Variants in SLC41A2 observed in about 807,000 individuals in gnomAD.
SLC41A2 encodes solute carrier family 41 member 2, also known as SLC41A1-like 1.
A neutral mutation model predicts 58.3 loss-of-function variants in SLC41A2; 32 were observed. The ratio of observed to expected loss-of-function variants is 0.55; its 90% CI spans 0.41 to 0.74. The LOEUF (loss-of-function observed/expected upper bound fraction) is 0.74. SLC41A2 is among the 30% of genes least tolerant of loss of function. The pLI is 0.00. For synonymous variants in SLC41A2, 190 were observed against 235.0 expected, an observed-to-expected ratio of 0.81 and a Z score of 1.75; for missense variants, 514 against 680.6, an observed-to-expected ratio of 0.76 and a Z score of 2.72.
chr12:104,808,879 T>C (rs1459811250), intron 10 of SLC41A2, among the ~76,000 whole-genome samples: 1 of 152,226 alleles, frequency 6.6e-6, no homozygotes, highest in African/African-American at 2.4e-5. Flanking sequence ...TATTCTCTGA[T>C]GGTAGTTCAT....
rs1405827879 is a variant in SLC41A2 at position 104,889,143 on chromosome 12, A to G, written c.770T>C (p.Val257Ala). Residue 257 changes from valine (V) to alanine (A), a missense_variant, in exon 5 of 11, where the codon GTG (valine) becomes GCG (alanine). This residue lies in a region of SLC41A2 where 336 missense variants were observed against 430.0 expected (regional missense o/e 0.78). Transcript: ENST00000258538. ...AATCCAGCCCAATATAATTGCTGCC[A>G]CAGCTGCTAGAAAACCCACTACTGT... Reference protein sequence around the residue: ...QATVVGFLAAVAAIILGWIPE... With the variant: ...QATVVGFLAAAAAIILGWIPE... The G allele has an allele frequency of 2.5e-6, 4 of 1,609,888 alleles. No individual in the cohort carries two copies. Among genetic ancestry groups the G allele is most frequent in the Non-Finnish European group, 3.4e-6 (4 of 1,178,946 alleles).
intron 10 of SLC41A2, among the ~76,000 whole-genome samples, chr12:104,844,028 C>T (rs1213726065): frequency 6.6e-6 from 1 of 152,146 alleles, no homozygotes; most frequent in Non-Finnish European, 1.5e-5. Flanking sequence ...CTTCAAAGAA[C>T]TATTTGAATC....
chr12:104,874,190 CA>C (rs1055972982), intron 6 of SLC41A2, among the ~76,000 whole-genome samples: 31 of 151,710 alleles, frequency 2.0e-4, no homozygotes, highest in African/African-American at 7.0e-4. Flanking sequence ...TCTCCTGCCT[CA>C]GCCTCCCGAG....
At chr12:104,938,936 C>T (rs1264821677) in intron 1 of SLC41A2, among the ~76,000 whole-genome samples, 1 of 152,134 alleles carries the variant, frequency 6.6e-6, no homozygotes, top group Non-Finnish European at 1.5e-5. Context: ...ATCTCAAAAA[C>T]CAAAATTTCC....
intron 8 of SLC41A2, among the ~76,000 whole-genome samples, chr12:104,855,967 A>G (rs760254798): frequency 7.4e-6 from 1 of 134,360 alleles, no homozygotes; most frequent in Non-Finnish European, 1.6e-5. Context: ...AGATGTGTCA[A>G]GACTAGGGAT....
intron 4 of SLC41A2, among the ~76,000 whole-genome samples, chr12:104,889,550 T>C (rs2044843994): frequency 6.6e-6 from 1 of 152,204 alleles, no homozygotes; most frequent in Non-Finnish European, 1.5e-5. Flanking sequence ...GATTGGATTT[T>C]ATAATAGAAA....
chr12:104,810,379 A>T (rs1057484882), intron 10 of SLC41A2, among the ~76,000 whole-genome samples: 2 of 152,210 alleles, frequency 1.3e-5, no homozygotes, highest in Non-Finnish European at 2.9e-5. Flanking sequence ...ATTAGCAAGA[A>T]AAATAAATGA....
At chr12:104,822,428 T>TATA (rs1439535810) in intron 10 of SLC41A2, among the ~76,000 whole-genome samples, 24 of 152,206 alleles carry the variant, frequency 1.6e-4, no homozygotes, top group Non-Finnish European at 3.1e-4. Context: ...AACTGTTTAT[T>TATA]GAGTGTCTTT....
chr12:104,813,041 T>A (rs2041242577), intron 10 of SLC41A2, among the ~76,000 whole-genome samples: 1 of 151,926 alleles, frequency 6.6e-6, no homozygotes, highest in African/African-American at 2.4e-5. Context: ...TAGCCAGATG[T>A]GGTGGTGCAC....
At position 104,891,970 on chromosome 12, in the gene SLC41A2, G is replaced by A. The variant is rs142005603; in HGVS notation, c.736-2793C>T. 8.1e-3 allele frequency among the ~76,000 whole-genome samples: 1,230 copies of A among 152,136 alleles called. 9 individuals carry two copies. Among genetic ancestry groups the A allele is most frequent in the Non-Finnish European group, 0.013 (867 of 67,990 alleles). ...CTACAAGTAAAATAAGATAGACCTA[G>A]AAATAACCAAAGACATGAAAGATCT... On this transcript the variant is annotated intron_variant, in intron 4 of 10. Transcript: ENST00000258538.
At chr12:104,942,258 C>T (rs898107845) in intron 1 of SLC41A2, among the ~76,000 whole-genome samples, 1 of 152,126 alleles carries the variant, frequency 6.6e-6, no homozygotes, top group East Asian at 1.9e-4. Flanking sequence ...GCAGGTGGAT[C>T]GCTTGAGCCA....
intron 2 of SLC41A2, among the ~76,000 whole-genome samples, chr12:104,926,587 T>C (rs567701758): frequency 5.8e-4 from 83 of 143,726 alleles, no homozygotes; most frequent in Middle Eastern, 7.3e-3. Context: ...GACTGCGCCT[T>C]AAAAAAAATA....
intron 1 of SLC41A2, among the ~76,000 whole-genome samples, chr12:104,946,718 T>C (rs1364021107): frequency 2.6e-5 from 4 of 152,260 alleles, no homozygotes; most frequent in African/African-American, 9.6e-5. Flanking sequence ...CAATGAAAGA[T>C]GACTTGTATT....
intron 10 of SLC41A2, among the ~76,000 whole-genome samples, chr12:104,827,683 G>C (rs1339147246): frequency 6.6e-6 from 1 of 151,976 alleles, no homozygotes; most frequent in African/African-American, 2.4e-5. Context: ...AACTCCAAAC[G>C]GTCAGGCAAC....
At position 104,932,624 on chromosome 12, in the gene SLC41A2, C is replaced by CAAAAAAAAAAAAAAAAA. The variant is rs544329617; in HGVS notation, c.-167-3947_-167-3931dup. On this transcript the variant is annotated intron_variant, in intron 1 of 10. Coordinates refer to ENST00000258538, the MANE Select transcript of SLC41A2 (RefSeq NM_001352171.3). Reference sequence around the variant, plus strand: ...TGGGTGACGCAGTGAGACTTTGTCTCAAAAAAAAAAAAAAAAAAAAAAGAT... The same window carrying CAAAAAAAAAAAAAAAAA: ...TGGGTGACGCAGTGAGACTTTGTCTCAAAAAAAAAAAAAAAAAAAAAAAAAAAAAAAAAAAAAAAGAT... Among the ~76,000 whole-genome samples, 279 of 46,030 alleles carry CAAAAAAAAAAAAAAAAA rather than the reference C, an allele frequency of 6.1e-3. 6 individuals carry two copies. Among genetic ancestry groups the CAAAAAAAAAAAAAAAAA allele is most frequent in the African/African-American group, 9.3e-3 (107 of 11,564 alleles). 30.2% of individuals were successfully genotyped at this position (46,030 alleles called of 152,430 possible).
At chr12:104,827,815 G>A (rs190733977) in intron 10 of SLC41A2, among the ~76,000 whole-genome samples, 64 of 152,200 alleles carry the variant, frequency 4.2e-4, no homozygotes, top group African/African-American at 7.0e-4. Context: ...GCCGGTCATC[G>A]TCCATATTCT....
intron 2 of SLC41A2, among the ~76,000 whole-genome samples, chr12:104,918,665 T>C (rs1934353126): frequency 6.6e-6 from 1 of 151,134 alleles, no homozygotes; most frequent in Non-Finnish European, 1.5e-5. Flanking sequence ...CAGTCATTTC[T>C]AAGGAAGGGC....
intron 10 of SLC41A2, among the ~76,000 whole-genome samples, chr12:104,838,703 C>T (rs2042296883): frequency 6.6e-6 from 1 of 151,972 alleles, no homozygotes; most frequent in African/African-American, 2.4e-5. Flanking sequence ...TAGGCATAGG[C>T]ACAAAATTTA....
At position 104,896,381 on chromosome 12, in the gene SLC41A2, T is replaced by C. The variant is rs141008918; in HGVS notation, c.664-1036A>G. Among the ~76,000 whole-genome samples the C allele has an allele frequency of 7.2e-5, 11 of 152,332 alleles. No individual in the cohort carries two copies. In the East Asian group the frequency reaches 1.9e-3, roughly 27 times the overall value. ...AGAATAATTATTAATGCAGTCTTTATTTACATATTTCTTTACTAAGCCTGG... is the reference window on the plus strand; with the variant it reads ...AGAATAATTATTAATGCAGTCTTTACTTACATATTTCTTTACTAAGCCTGG... On this transcript the variant is annotated intron_variant, in intron 3 of 10. Coordinates refer to ENST00000258538, the MANE Select transcript of SLC41A2 (RefSeq NM_001352171.3).
Sources: gnomAD v4.1 joint callset for allele counts (sites outside exome capture counted in the v4.1 genomes callset) on GRCh38, gnomAD v4.1.1 for gene constraint, gnomAD v4.1.1 regional missense constraint, MANE v1.5 for transcripts, NCBI Gene and HGNC (gene_info 2026-07-23, HGNC 2026-07-21) for gene names.